The following BTAF1 variants were observed in gnomAD, a reference collection of about 807,000 sequenced individuals.
The protein encoded by BTAF1 is B-TFIID TATA-box binding protein associated factor 1, also known as TATA-binding protein-associated factor 172.
In BTAF1, 38 loss-of-function variants were observed where a neutral mutation model predicts 227.1. The observed-to-expected ratio is 0.17, with a 90% CI of 0.13 to 0.22. The LOEUF (loss-of-function observed/expected upper bound fraction) is 0.22, where lower values mean the gene tolerates loss of function less well. Among genes scored for constraint, BTAF1 ranks in the 10% least tolerant of loss-of-function variants. The pLI is 1.00. For synonymous variants in BTAF1, 742 were observed against 751.9 expected (o/e 0.99, Z 0.21); for missense variants, 1,598 against 2,204.0 (o/e 0.73, Z 5.51).
chr10:91,999,785 A>C lies in BTAF1; in HGVS notation c.3660+2034A>C, dbSNP rs560851393. ...TGTAAATCATGTACTGTTATACTGCAAGAAGACAAACCACAGACACATACA... is the reference window on the plus strand; with the variant it reads ...TGTAAATCATGTACTGTTATACTGCCAGAAGACAAACCACAGACACATACA... On this transcript the variant is annotated intron_variant, in intron 25 of 37. Transcript: ENST00000265990. Among the ~76,000 whole-genome samples, 13 of 152,366 alleles carry C rather than the reference A, an allele frequency of 8.5e-5. No homozygotes were observed. In the South Asian group the frequency reaches 2.7e-3, roughly 32 times the overall value.
At chr10:91,955,416 T>C (rs1485977199) in intron 6 of BTAF1, among the ~76,000 whole-genome samples, 2 of 152,020 alleles carry the variant, frequency 1.3e-5, no homozygotes. Flanking sequence ...GGGAAATAAA[T>C]AAGTAAAATA....
intron 1 of BTAF1, among the ~76,000 whole-genome samples, chr10:91,932,335 A>G (rs538646860): frequency 3.9e-4 from 59 of 152,304 alleles, no homozygotes; most frequent in East Asian, 2.1e-3. Context: ...TTACTGAAAC[A>G]TTACATTACC....
intron 2 of BTAF1, among the ~76,000 whole-genome samples, chr10:91,939,154 A>G (rs560543640): frequency 9.2e-5 from 14 of 152,276 alleles, no homozygotes; most frequent in Admixed American, 9.1e-4. Flanking sequence ...TCATTGTACA[A>G]GTCATACACT....
intron 35 of BTAF1, among the ~76,000 whole-genome samples, chr10:92,025,692 A>G (rs1260327884): frequency 1.3e-5 from 2 of 151,836 alleles, no homozygotes; most frequent in Non-Finnish European, 2.9e-5. Context: ...CTGTAATCCC[A>G]GCTACTCTGG....
At chr10:91,991,281 T>TATATATATATATATATATATATATATAA (rs1416825771) in intron 20 of BTAF1, among the ~76,000 whole-genome samples, 1 of 111,240 alleles carries the variant, frequency 9.0e-6, no homozygotes, top group East Asian at 2.7e-4. Context: ...AATATATATA[T>TATATATATATATATATATATATATATAA]ATATATATAT....
intron 25 of BTAF1, among the ~76,000 whole-genome samples, chr10:91,999,418 C>CT (rs1849352811): frequency 6.6e-6 from 1 of 151,612 alleles, no homozygotes; most frequent in African/African-American, 2.4e-5. Flanking sequence ...TTGAGACGGA[C>CT]TTTTGCTCTT....
chr10:92,016,505 A>C, intron 33 of BTAF1, 40 bp downstream of exon 33: 15 of 1,488,542 alleles, frequency 1.0e-5, no homozygotes, highest in Middle Eastern at 2.4e-4. Flanking sequence ...TTGAGATGGA[A>C]TTTCACTCTG....
At chr10:91,957,031 A>G (rs1386377226) in intron 7 of BTAF1, among the ~76,000 whole-genome samples, 194 bp from the exon 8 acceptor site, 2 of 152,182 alleles carry the variant, frequency 1.3e-5, no homozygotes, top group African/African-American at 4.8e-5. Flanking sequence ...AAACTAATAT[A>G]TCATTGAAAG....
At chr10:91,938,993 G>T (rs1473059157) in intron 2 of BTAF1, among the ~76,000 whole-genome samples, 1 of 149,936 alleles carries the variant, frequency 6.7e-6, no homozygotes, top group Non-Finnish European at 1.5e-5. Context: ...AAAAAAAGGG[G>T]GGGGGGATTT....
intron 24 of BTAF1, chr10:91,997,330 A>G: frequency 1.9e-6 from 1 of 516,230 alleles, no homozygotes; most frequent in Non-Finnish European, 3.2e-6. Context: ...TATGAAAAAA[A>G]TCTTATTGGT....
chr10:91,953,933 G>T, intron 6 of BTAF1, 60 bp downstream of exon 6: 1 of 1,581,078 alleles, frequency 6.3e-7, no homozygotes, highest in South Asian at 1.2e-5. Flanking sequence ...TTTAATCTGT[G>T]TCTGCTTGAT....
At chr10:91,959,906 G>T in intron 10 of BTAF1, 26 bp downstream of exon 10, 1 of 1,601,840 alleles carries the variant, frequency 6.2e-7, no homozygotes, top group East Asian at 2.2e-5. Flanking sequence ...GGGAGGCTTT[G>T]CCCAATCAAA....
At chr10:91,970,310 TAAAA>T (rs773624409) in intron 14 of BTAF1, among the ~76,000 whole-genome samples, 1 of 151,846 alleles carries the variant, frequency 6.6e-6, no homozygotes, top group Non-Finnish European at 1.5e-5. Flanking sequence ...TCCTGGGAAA[TAAAA>T]AAAAGAAATC....
chr10:91,981,582 A>G, intron 15 of BTAF1, 61 bp from the exon 16 acceptor site: 1 of 1,463,236 alleles, frequency 6.8e-7, no homozygotes, highest in Non-Finnish European at 9.1e-7. Context: ...CCTAAAGATA[A>G]GTGTTAGAGT....
At chr10:92,005,421 A>ACAAT (rs1395749674) in intron 25 of BTAF1, among the ~76,000 whole-genome samples, 1 of 152,178 alleles carries the variant, frequency 6.6e-6, no homozygotes, top group Non-Finnish European at 1.5e-5. Flanking sequence ...GGACATTTTA[A>ACAAT]CAATATTAAT....
intron 2 of BTAF1, among the ~76,000 whole-genome samples, chr10:91,937,120 G>A (rs530133136): frequency 6.6e-6 from 1 of 151,026 alleles, no homozygotes; most frequent in East Asian, 2.0e-4. Flanking sequence ...TTAGCCTCCC[G>A]AGTAGCTGAG....
chr10:91,939,857 C>A, intron 2 of BTAF1, 95 bp from the exon 3 acceptor site: 1 of 678,378 alleles, frequency 1.5e-6, no homozygotes, highest in South Asian at 2.2e-5. Flanking sequence ...TGCCAAATTA[C>A]ACATTAATAA....
chr10:91,962,394 T>C, intron 11 of BTAF1, 144 bp from the exon 12 acceptor site: 1 of 562,046 alleles, frequency 1.8e-6, no homozygotes, highest in Non-Finnish European at 3.1e-6. Context: ...CCTGATGTAT[T>C]TCTCAGAATG....
chr10:91,997,836 C>A, intron 25 of BTAF1, 85 bp downstream of exon 25: 2 of 1,389,248 alleles, frequency 1.4e-6, no homozygotes, highest in South Asian at 1.3e-5. Flanking sequence ...GGGCCAGGTA[C>A]AAAGGCTCAT....
Sources: gnomAD v4.1 joint callset for allele counts (sites outside exome capture counted in the v4.1 genomes callset) on GRCh38, gnomAD v4.1.1 for gene constraint, MANE v1.5 for transcripts, NCBI Gene and HGNC (gene_info 2026-07-23, HGNC 2026-07-21) for gene names.